Variants in CNTRL observed in about 807,000 individuals in gnomAD.
The protein encoded by CNTRL is centriolin.
A neutral mutation model predicts 303.7 loss-of-function variants in CNTRL; 233 were observed. That is an observed-to-expected ratio of 0.77 (90% CI 0.69 to 0.86). CNTRL has a LOEUF of 0.86. Among genes scored for constraint, CNTRL ranks in the 40% least tolerant of loss-of-function variants. The pLI, the probability that CNTRL is intolerant of heterozygous loss-of-function variation, is 0.00. For synonymous variants in CNTRL, 900 were observed against 922.2 expected, an observed-to-expected ratio of 0.98 and a Z score of 0.44; for missense variants, 2,524 against 2,650.6, an observed-to-expected ratio of 0.95 and a Z score of 1.05.
chr9:121,137,736 T>C (rs1013349431), intron 15 of CNTRL, among the ~76,000 whole-genome samples: 1 of 152,026 alleles, frequency 6.6e-6, no homozygotes, highest in African/African-American at 2.4e-5. Flanking sequence ...TTTAAAATAA[T>C]AATAAATAAA....
intron 40 of CNTRL, among the ~76,000 whole-genome samples, chr9:121,172,853 A>G (rs1012464922): frequency 2.0e-5 from 3 of 152,222 alleles, no homozygotes; most frequent in African/African-American, 7.2e-5. Context: ...ATTTCTGAGC[A>G]GAAGGTATTT....
intron 8 of CNTRL, among the ~76,000 whole-genome samples, chr9:121,111,952 A>G (rs2133119873): frequency 6.6e-6 from 1 of 152,290 alleles, no homozygotes; most frequent in South Asian, 2.1e-4. Flanking sequence ...ACTTAATACT[A>G]CAGCAACAAC....
chr9:121,095,105 T>G (rs1222879271), intron 5 of CNTRL, 87 bp downstream of exon 5: 1 of 997,194 alleles, frequency 1.0e-6, no homozygotes, highest in Non-Finnish European at 1.5e-6. Context: ...ACTGAAAGAA[T>G]GATTTGACAG....
rs751956745 is a variant in CNTRL, at chr9:121,158,086, G to A, written c.4741G>A (p.Glu1581Lys). The A allele has an allele frequency of 1.5e-5, 24 of 1,613,970 alleles. No individual in the cohort carries two copies. The highest frequency in any genetic ancestry group is 6.7e-5 in the East Asian group (3 of 44,892). The change falls in exon 30 of 44, where the codon GAG (glutamate) becomes AAG (lysine). Residue 1581 changes from glutamate (E) to lysine (K), a missense_variant. Glu to Lys is a moderately conservative substitution (Grantham distance 56). Transcript: ENST00000373855. ...SEVLLQAKRA[E>K]LEKLKSQVTS... ...GGTGCTTCTTCAGGCCAAAAGAGCC[G>A]AGCTGGAAAAGCTGAAAAGCCAGGT...
intron 25 of CNTRL, chr9:121,152,179 G>C (rs1031704562): frequency 3.6e-6 from 1 of 278,848 alleles, no homozygotes; most frequent in Non-Finnish European, 6.9e-6. Flanking sequence ...CATGTGGCCA[G>C]AGGAAGGAGA....
At chr9:121,167,837 C>T (rs1203596739) in intron 37 of CNTRL, among the ~76,000 whole-genome samples, 160 bp downstream of exon 37, 1 of 152,148 alleles carries the variant, frequency 6.6e-6, no homozygotes, top group East Asian at 1.9e-4. Flanking sequence ...AACTGTGTGA[C>T]TCTCTTACAG....
chr9:121,143,080 AC>A (rs974745210), intron 19 of CNTRL, among the ~76,000 whole-genome samples: 6 of 152,112 alleles, frequency 3.9e-5, no homozygotes, highest in African/African-American at 4.8e-5. Context: ...ACTCATAGTT[AC>A]CAATCTCAAA....
intron 2 of CNTRL, among the ~76,000 whole-genome samples, chr9:121,086,772 G>A (rs1564188701): frequency 6.7e-6 from 1 of 150,334 alleles, no homozygotes; most frequent in East Asian, 2.0e-4. Flanking sequence ...TCCTCCCCTC[G>A]ACCCCAAGTA....
At position 121,092,443 on chromosome 9, in the gene CNTRL, G is replaced by A. The variant is rs145128665; in HGVS notation, c.348+2038G>A. On this transcript the variant is annotated intron_variant, in intron 4 of 43. Transcript: ENST00000373855. ...AGAGTGAGATATAGATAGATAGATAGATAATATATATCTATATATATATAA... is the reference window on the plus strand; with the variant it reads ...AGAGTGAGATATAGATAGATAGATAAATAATATATATCTATATATATATAA... Among the ~76,000 whole-genome samples the A allele has an allele frequency of 2.6e-3, 236 of 91,142 alleles. 16 individuals carry two copies. The highest frequency in any genetic ancestry group is 7.7e-3 in the African/African-American group (197 of 25,570). 59.8% of individuals were successfully genotyped at this position (91,142 alleles called of 152,430 possible).
At position 121,125,706 on chromosome 9, in the gene CNTRL, TCTTG is replaced by T. The variant is rs2050480799; in HGVS notation, c.1805-6_1805-3del. On this transcript the variant is annotated splice_polypyrimidine_tract_variant and splice_region_variant and intron_variant, in intron 13 of 43. Transcript: ENST00000373855. ...AAGATATATTATTACCCTTTTTGCATCTTGCTTAGGCCAGATAGCAGCAAATGAA... is the reference window on the plus strand; with the variant it reads ...AAGATATATTATTACCCTTTTTGCATCTTAGGCCAGATAGCAGCAAATGAA... The T allele has an allele frequency of 3.1e-6, 5 of 1,612,940 alleles. No homozygotes were observed. Among genetic ancestry groups the T allele is most frequent in the Non-Finnish European group, 4.2e-6 (5 of 1,179,064 alleles).
chr9:121,123,079 AAGT>A (rs1404468121), intron 12 of CNTRL, among the ~76,000 whole-genome samples: 1 of 152,190 alleles, frequency 6.6e-6, no homozygotes, highest in African/African-American at 2.4e-5. Flanking sequence ...CTTTTTTAAA[AAGT>A]AGATTTAATT....
chr9:121,087,255 A>G (rs2048378693), intron 2 of CNTRL, among the ~76,000 whole-genome samples: 1 of 152,172 alleles, frequency 6.6e-6, no homozygotes, highest in South Asian at 2.1e-4. Flanking sequence ...TATTTAGGGA[A>G]CACTGGAAGA....
chr9:121,109,725 A>G (rs538597993), intron 8 of CNTRL, among the ~76,000 whole-genome samples: 9 of 152,298 alleles, frequency 5.9e-5, no homozygotes, highest in African/African-American at 2.2e-4. Context: ...TAACCAATTT[A>G]TATTTCAGAA....
At chr9:121,078,076 C>G (rs957691074) in intron 1 of CNTRL, among the ~76,000 whole-genome samples, 1 of 152,066 alleles carries the variant, frequency 6.6e-6, no homozygotes, top group Non-Finnish European at 1.5e-5. Context: ...AGAGTATTAT[C>G]CTTATTTAGA....
At chr9:121,084,606 G>A (rs946045743) in intron 2 of CNTRL, among the ~76,000 whole-genome samples, 8 of 151,192 alleles carry the variant, frequency 5.3e-5, no homozygotes, top group Non-Finnish European at 1.0e-4. Flanking sequence ...GTGCAGTGGC[G>A]CGATCTTGGC....
intron 3 of CNTRL, 100 bp from the exon 4 acceptor site, chr9:121,090,175 G>A (rs550003576): frequency 1.2e-4 from 115 of 986,144 alleles, no homozygotes; most frequent in Non-Finnish European, 1.4e-4. Flanking sequence ...GTATATTCAT[G>A]GCTTAATTTT....
rs1245615957 is a variant in CNTRL at position 121,107,941 on chromosome 9, A to C, written c.948A>C (p.Leu316Phe). 6.2e-7 allele frequency: 1 copy of C among 1,605,964 alleles called. No individual in the cohort carries two copies. Among genetic ancestry groups the C allele is most frequent in the Non-Finnish European group, 8.5e-7 (1 of 1,177,786 alleles). The change falls in exon 8 of 44, where the codon TTA becomes TTC. Residue 316 changes from leucine (L) to phenylalanine (F), a missense_variant. Physicochemically the swap from Leu to Phe is conservative, Grantham distance 22 (BLOSUM62 0). Transcript: ENST00000373855. ...LNKSLKEEAM[L>F]QKQSCEELKS... ...AATCATTAAAAGAGGAGGCCATGTTACAGAAACAGAGCTGTGAGGAACTCA... is the reference window on the plus strand; with the variant it reads ...AATCATTAAAAGAGGAGGCCATGTTCCAGAAACAGAGCTGTGAGGAACTCA...
chr9:121,144,486 A>T (rs963030881), intron 20 of CNTRL, among the ~76,000 whole-genome samples: 9 of 152,230 alleles, frequency 5.9e-5, no homozygotes, highest in African/African-American at 2.2e-4. Flanking sequence ...TACTGAGCTA[A>T]TGTCTGTTAC....
Position 121,158,845 on chromosome 9 carries a change from T to C in CNTRL, c.4765-10T>C. 3.1e-6 allele frequency: 5 copies of C among 1,613,532 alleles called. No homozygotes were observed. The highest frequency in any genetic ancestry group is 3.4e-6 in the Non-Finnish European group (4 of 1,179,718). ...TTGTCAAACTTACTCTTCCCTTTTC[T>C]TTAATACAGGTGACAAGTCAGCAGC... On this transcript the variant is annotated splice_polypyrimidine_tract_variant and intron_variant, in intron 30 of 43. Coordinates refer to ENST00000373855, the MANE Select transcript of CNTRL (RefSeq NM_007018.6).
Sources: allele counts gnomAD v4.1 joint callset (sites outside exome capture counted in the v4.1 genomes callset), GRCh38; gene constraint gnomAD v4.1.1; transcripts MANE v1.5; gene names NCBI Gene and HGNC (gene_info 2026-07-23, HGNC 2026-07-21).